The following EPC1 variants were observed in gnomAD, a reference collection of about 807,000 sequenced individuals.
The protein encoded by EPC1 is enhancer of polycomb homolog 1.
Under a neutral mutation model 98.4 loss-of-function variants are expected in EPC1, and 12 were observed. The observed-to-expected ratio is 0.12, with a 90% CI of 0.08 to 0.20. The LOEUF is 0.20. Ranked by LOEUF, EPC1 falls within the 10% of genes least tolerant of loss-of-function variation. The pLI is 1.00. For synonymous variants in EPC1, 357 were observed against 363.9 expected, an observed-to-expected ratio of 0.98 and a Z score of 0.21; for missense variants, 729 against 990.5, an observed-to-expected ratio of 0.74 and a Z score of 3.54.
intron 1 of EPC1, among the ~76,000 whole-genome samples, chr10:32,327,588 G>A (rs976902746): frequency 6.6e-6 from 1 of 152,064 alleles, no homozygotes; most frequent in African/African-American, 2.4e-5. Flanking sequence ...GCTTAATAAT[G>A]GGAATGTGTT....
At position 32,268,425 on chromosome 10, in the gene EPC1, A is replaced by T. The variant is rs1404866767; in HGVS notation, c.*638T>A. Reference sequence around the variant, plus strand: ...ATTTAATAGTACATTCCCCATTTTTAAAAAAACTGATGCCTTTTTTTTTTT... The same window carrying T: ...ATTTAATAGTACATTCCCCATTTTTTAAAAAACTGATGCCTTTTTTTTTTT... On this transcript the variant is annotated 3_prime_UTR_variant, in exon 14 of 14. Coordinates refer to ENST00000319778, the MANE Select transcript of EPC1 (RefSeq NM_001272004.3). 7 of 135,148 alleles carry T rather than the reference A, an allele frequency of 5.2e-5. No homozygotes were observed. The highest frequency in any genetic ancestry group is 1.1e-4 in the African/African-American group (4 of 36,524). 8.4% of individuals were successfully genotyped at this position (135,148 alleles called of 1,614,324 possible).
At position 32,271,896 on chromosome 10, in the gene EPC1, A is replaced by C; in HGVS notation, c.2027T>G (p.Leu676Arg). ...PASGVYKGLHLSSTTPTALVH... is the reference protein window; with the variant it reads ...PASGVYKGLHRSSTTPTALVH... ...AAGTGCTGTTGGTGTAGTACTACTGAGGTGTAAGCCCTTGTATACTCCTAG... is the reference window on the plus strand; with the variant it reads ...AAGTGCTGTTGGTGTAGTACTACTGCGGTGTAAGCCCTTGTATACTCCTAG... The change falls in exon 13 of 14, where the codon CTC (leucine) becomes CGC (arginine). Residue 676 changes from leucine (L) to arginine (R), a missense_variant. Transcript: ENST00000319778. 1.2e-6 allele frequency: 2 copies of C among 1,614,096 alleles called. No individual in the cohort carries two copies. Among genetic ancestry groups the C allele is most frequent in the Non-Finnish European group, 1.7e-6 (2 of 1,179,980 alleles).
chr10:32,277,046 T>C (rs1836140444), intron 10 of EPC1, among the ~76,000 whole-genome samples: 1 of 152,124 alleles, frequency 6.6e-6, no homozygotes, highest in Non-Finnish European at 1.5e-5. Context: ...AGGTCACACA[T>C]ATGTAACAGT....
rs759423730 is a variant in EPC1 at position 32,293,800 on chromosome 10, T to C, written c.314-63A>G. 8 of 1,456,292 alleles carry C rather than the reference T, an allele frequency of 5.5e-6. No homozygotes were observed. In the African/African-American group the frequency reaches 1.1e-4, roughly 21 times the overall value. The allele number at this position is 1,456,292 out of a possible 1,614,324, so 90.2% of individuals were successfully genotyped here. A position where few individuals can be genotyped will look rare whatever the true frequency, so the allele number is the denominator to read the frequency against. Reference sequence around the variant, plus strand: ...AATTCACCGACAAAAACTCCACAGATGTCTGCATAAAAACAAGACCTAGAC... The same window carrying C: ...AATTCACCGACAAAAACTCCACAGACGTCTGCATAAAAACAAGACCTAGAC... On this transcript the variant is annotated intron_variant, in intron 2 of 13. Transcript: ENST00000319778.
chr10:32,303,746 A>T (rs1835712447), intron 2 of EPC1, among the ~76,000 whole-genome samples: 1 of 152,216 alleles, frequency 6.6e-6, no homozygotes, highest in South Asian at 2.1e-4. Flanking sequence ...GCTATACATG[A>T]TAAAATTACA....
rs758399215 is a variant in EPC1, at chr10:32,291,213, G to C, written c.925C>G (p.Gln309Glu). Residue 309 changes from glutamine to glutamate, a missense_variant, in exon 6 of 14, where the codon CAA becomes GAA. By Grantham distance (29) the Gln-to-Glu change is conservative (BLOSUM62 2). This residue lies in a region of EPC1 where 390 missense variants were observed against 438.6 expected (regional missense o/e 0.89). Coordinates refer to ENST00000319778, the MANE Select transcript of EPC1 (RefSeq NM_001272004.3). Reference sequence around the variant, plus strand: ...TCCATTGCTTCCTGGTGTTTAAATTGACTGCTATTAGTAATAGGGATGATG... The same window carrying C: ...TCCATTGCTTCCTGGTGTTTAAATTCACTGCTATTAGTAATAGGGATGATG... ...IPIIPITNSS[Q>E]FKHQEAMDVK... 6.2e-7 allele frequency: 1 copy of C among 1,613,830 alleles called. No individual in the cohort carries two copies. The highest frequency in any genetic ancestry group is 8.5e-7 in the Non-Finnish European group (1 of 1,179,824).
At chr10:32,357,821 G>A (rs1839321120) in intron 1 of EPC1, among the ~76,000 whole-genome samples, 1 of 145,048 alleles carries the variant, frequency 6.9e-6, no homozygotes, top group East Asian at 2.0e-4. Context: ...AGATAATACA[G>A]TTTATTCTGT....
At chr10:32,300,361 A>G (rs540163503) in intron 2 of EPC1, among the ~76,000 whole-genome samples, 1 of 151,242 alleles carries the variant, frequency 6.6e-6, no homozygotes, top group East Asian at 1.9e-4. Flanking sequence ...CGTCATTTAC[A>G]TTAGGCATAT....
chr10:32,351,975 A>G (rs1469566897), upstream of EPC1, among the ~76,000 whole-genome samples: 1 of 149,174 alleles, frequency 6.7e-6, no homozygotes, highest in African/African-American at 2.5e-5. Context: ...ATCTCAGGTG[A>G]TCCACCCACC....
intron 1 of EPC1, among the ~76,000 whole-genome samples, chr10:32,326,243 G>C (rs1444568585): frequency 6.6e-6 from 1 of 152,134 alleles, no homozygotes. Flanking sequence ...TGTACTTTCT[G>C]GCTGTCGTGT....
intron 1 of EPC1, among the ~76,000 whole-genome samples, chr10:32,353,174 CA>C (rs938581121): frequency 1.4e-5 from 2 of 143,250 alleles, no homozygotes; most frequent in African/African-American, 5.3e-5. Context: ...AAAAAAAAAG[CA>C]AAAAAAGAAA....
chr10:32,310,045 A>G (rs578194279), intron 1 of EPC1, among the ~76,000 whole-genome samples: 2 of 152,038 alleles, frequency 1.3e-5, no homozygotes, highest in South Asian at 4.2e-4. Context: ...AAATACAAAA[A>G]TTAGCCAGGT....
At chr10:32,289,687 G>A (rs189578025) in intron 6 of EPC1, among the ~76,000 whole-genome samples, 188 of 151,118 alleles carry the variant, frequency 1.2e-3, no homozygotes, top group African/African-American at 3.7e-3. Context: ...GCAGTGGCGC[G>A]ATCTCGGCTC....
chr10:32,288,441 A>T (rs1054870382), intron 6 of EPC1, among the ~76,000 whole-genome samples: 2 of 151,498 alleles, frequency 1.3e-5, no homozygotes, highest in Non-Finnish European at 2.9e-5. Context: ...CAGCCTCCCA[A>T]GTACCTACTA....
intron 1 of EPC1, among the ~76,000 whole-genome samples, chr10:32,376,525 T>C (rs1344086559): frequency 6.6e-6 from 1 of 152,064 alleles, no homozygotes; most frequent in Non-Finnish European, 1.5e-5. Flanking sequence ...TTACATTTTA[T>C]GAATAGCTAA....
At chr10:32,370,037 C>G (rs1305036807) in intron 1 of EPC1, among the ~76,000 whole-genome samples, 3 of 152,030 alleles carry the variant, frequency 2.0e-5, no homozygotes, top group Admixed American at 2.0e-4. Context: ...TAATGGAGAA[C>G]TACTACTTTG....
chr10:32,313,702 A>G (rs1836380975), intron 1 of EPC1, among the ~76,000 whole-genome samples: 1 of 152,118 alleles, frequency 6.6e-6, no homozygotes, highest in Admixed American at 6.6e-5. Context: ...CCTGGCCAAT[A>G]TGGTGAAACA....
intron 1 of EPC1, among the ~76,000 whole-genome samples, chr10:32,370,657 T>C (rs1219945211): frequency 6.6e-6 from 1 of 152,200 alleles, no homozygotes; most frequent in Admixed American, 6.5e-5. Flanking sequence ...AATAGAGCTT[T>C]GGGCAGTCAT....
At chr10:32,318,386 C>A (rs543640667) in intron 1 of EPC1, among the ~76,000 whole-genome samples, 1 of 152,246 alleles carries the variant, frequency 6.6e-6, no homozygotes, top group East Asian at 1.9e-4. Context: ...ATCAATAACA[C>A]AAACTAAATC....
Sources: allele counts gnomAD v4.1 joint callset (sites outside exome capture counted in the v4.1 genomes callset), GRCh38; gene constraint gnomAD v4.1.1; regional missense constraint gnomAD v4.1.1; transcripts MANE v1.5; gene names NCBI Gene and HGNC (gene_info 2026-07-23, HGNC 2026-07-21).